COL4A3: variants seen among roughly 807,000 people sequenced by gnomAD.
The protein encoded by COL4A3 is collagen type IV alpha 3 chain.
A neutral mutation model predicts 217.4 loss-of-function variants in COL4A3; 135 were observed. The observed-to-expected ratio is 0.62, with a 90% CI of 0.54 to 0.72. COL4A3 has a LOEUF of 0.72. Among genes scored for constraint, COL4A3 ranks in the 30% least tolerant of loss-of-function variants. The pLI is 0.00. For missense variants in COL4A3, 1,868 were observed against 2,119.9 expected, an observed-to-expected ratio of 0.88 and a Z score of 2.33; for synonymous variants, 690 against 736.3, an observed-to-expected ratio of 0.94 and a Z score of 1.02.
intron 1 of COL4A3, among the ~76,000 whole-genome samples, chr2:227,178,711 G>T (rs2065773843): frequency 6.9e-6 from 1 of 145,166 alleles, no homozygotes. Flanking sequence ...TTTTGTTTTT[G>T]TTTTTTTTTT....
At chr2:227,303,259 T>C in intron 44 of COL4A3, 149 bp downstream of exon 44, 1 of 683,590 alleles carries the variant, frequency 1.5e-6, no homozygotes, top group Non-Finnish European at 2.6e-6. Context: ...TCCACTACAC[T>C]ATTTCAAGAT....
intron 1 of COL4A3, among the ~76,000 whole-genome samples, chr2:227,181,311 C>A (rs1210991015): frequency 6.6e-6 from 1 of 152,142 alleles, no homozygotes; most frequent in South Asian, 2.1e-4. Context: ...TCAGGGTCGG[C>A]AGTATAAATT....
intron 1 of COL4A3, among the ~76,000 whole-genome samples, chr2:227,190,402 C>T (rs1175247106): frequency 3.3e-5 from 5 of 152,178 alleles, no homozygotes; most frequent in African/African-American, 9.7e-5. Flanking sequence ...CTTCTCACAA[C>T]AGTCTGTACC....
At chr2:227,167,756 T>C (rs1485437879) in intron 1 of COL4A3, among the ~76,000 whole-genome samples, 1 of 152,164 alleles carries the variant, frequency 6.6e-6, no homozygotes, top group African/African-American at 2.4e-5. Flanking sequence ...ATTAAGCAAG[T>C]ATTAATATAC....
At chr2:227,192,440 A>C (rs1227088459) in intron 1 of COL4A3, among the ~76,000 whole-genome samples, 1 of 12,020 alleles carries the variant, frequency 8.3e-5, no homozygotes, top group Non-Finnish European at 2.8e-4. Context: ...ATGAAAACCA[A>C]CCTTTTCATC....
chr2:227,302,823 C>T (rs1282774192), intron 43 of COL4A3, among the ~76,000 whole-genome samples: 1 of 151,738 alleles, frequency 6.6e-6, no homozygotes, highest in Non-Finnish European at 1.5e-5. Context: ...TTAAGGGAAG[C>T]TTTTGTTTTA....
rs78733543 is a variant in COL4A3, at chr2:227,283,008, T to C, written c.2656+476T>C. Among the ~76,000 whole-genome samples the C allele has an allele frequency of 7.7e-3, 1,167 of 152,318 alleles. 9 individuals carry two copies. The highest frequency in any genetic ancestry group is 0.027 in the African/African-American group (1,122 of 41,568). ...GTTATCTGGGTCTGGGCATTTCTTT[T>C]TGGGAAGTCTCTAAATGACTAATTC... On this transcript the variant is annotated intron_variant, in intron 32 of 51. Transcript: ENST00000396578.
At chr2:227,281,754 A>C (rs978729944) in intron 31 of COL4A3, 3 of 152,376 alleles carry the variant, frequency 2.0e-5, no homozygotes, top group African/African-American at 7.2e-5. Flanking sequence ...AGTGAGCAGC[A>C]CTCATAAGGT....
At chr2:227,189,873 G>A (rs2066165752) in intron 1 of COL4A3, among the ~76,000 whole-genome samples, 1 of 152,006 alleles carries the variant, frequency 6.6e-6, no homozygotes, top group Non-Finnish European at 1.5e-5. Flanking sequence ...TTCCCTCGTG[G>A]TCTCAGCCAT....
intron 1 of COL4A3, among the ~76,000 whole-genome samples, chr2:227,194,048 AAGGAG>A: frequency 2.0e-5 from 1 of 50,496 alleles, no homozygotes; most frequent in Non-Finnish European, 4.3e-5. Flanking sequence ...AGAGAAAGAG[AAGGAG>A]AGGAGAAGGA....
At chr2:227,276,331 T>A in intron 26 of COL4A3, 54 bp from the exon 27 acceptor site, 1 of 1,297,366 alleles carries the variant, frequency 7.7e-7, no homozygotes, top group Non-Finnish European at 1.1e-6. Context: ...TCCGCTATCG[T>A]CTAAGACAAG....
Position 227,164,887 on chromosome 2 carries a change from C to G in COL4A3, c.87+74C>G. On this transcript the variant is annotated intron_variant, in intron 1 of 51. Transcript: ENST00000396578. The surrounding 1 kb of genome is among the most constrained non-coding windows in gnomAD (Gnocchi z 4.8). ...CACGCGTCCGGGGGACGCGCTGGCCCCACCCGCAGCGGCGCGGTAGTGGAG... is the reference window on the plus strand; with the variant it reads ...CACGCGTCCGGGGGACGCGCTGGCCGCACCCGCAGCGGCGCGGTAGTGGAG... The G allele has an allele frequency of 2.9e-6, 4 of 1,391,674 alleles. No individual in the cohort carries two copies. The South Asian group carries it at 4.8e-5, about 17-fold the overall frequency. The allele number at this position is 1,391,674 out of a possible 1,614,324, so 86.2% of individuals were successfully genotyped here. A position where few individuals can be genotyped will look rare whatever the true frequency, so the allele number is the denominator to read the frequency against.
intron 43 of COL4A3, among the ~76,000 whole-genome samples, chr2:227,299,553 G>T (rs889256675): frequency 1.3e-5 from 2 of 152,186 alleles, no homozygotes; most frequent in African/African-American, 2.4e-5. Flanking sequence ...TGAGATTTGG[G>T]TGGGGACACA....
intron 17 of COL4A3, 56 bp from the exon 18 acceptor site, chr2:227,257,547 A>G (rs1403923323): frequency 4.2e-6 from 6 of 1,437,356 alleles, no homozygotes; most frequent in East Asian, 2.3e-5. Context: ...CTTGCTTTTT[A>G]TATGTAAATA....
intron 1 of COL4A3, among the ~76,000 whole-genome samples, chr2:227,187,633 C>G (rs1314190863): frequency 6.6e-6 from 1 of 152,124 alleles, no homozygotes; most frequent in Non-Finnish European, 1.5e-5. Flanking sequence ...AATATGCAGG[C>G]TTATTGACCT....
intron 51 of COL4A3, among the ~76,000 whole-genome samples, chr2:227,311,417 T>C (rs1223739001): frequency 6.6e-6 from 1 of 152,140 alleles, no homozygotes; most frequent in African/African-American, 2.4e-5. Context: ...TCTCGCTCTG[T>C]TGCCCAGGCT....
At chr2:227,227,884 A>G (rs1294194633) in intron 1 of COL4A3, 1 of 150,930 alleles carries the variant, frequency 6.6e-6, no homozygotes, top group East Asian at 1.9e-4. Context: ...GTCTTTCTGC[A>G]TTCAAAACCT....
intron 1 of COL4A3, among the ~76,000 whole-genome samples, chr2:227,229,674 A>T (rs1286729902): frequency 6.6e-6 from 1 of 152,158 alleles, no homozygotes; most frequent in Non-Finnish European, 1.5e-5. Context: ...CAGGCTAGTG[A>T]CAGCATCTCA....
intron 1 of COL4A3, among the ~76,000 whole-genome samples, chr2:227,219,393 C>A (rs192581126): frequency 2.0e-4 from 31 of 152,270 alleles, no homozygotes; most frequent in Admixed American, 1.6e-3. Flanking sequence ...GCCTTTTCCA[C>A]TTATGACACT....
Sources: allele counts gnomAD v4.1 joint callset (sites outside exome capture counted in the v4.1 genomes callset), GRCh38; gene constraint gnomAD v4.1.1; non-coding constraint Gnocchi (gnomAD v3.1); transcripts MANE v1.5; gene names NCBI Gene and HGNC (gene_info 2026-07-23, HGNC 2026-07-21).